Variants in IL24 observed in about 807,000 individuals in gnomAD.
IL24 encodes the protein interleukin-24.
A neutral mutation model predicts 27.6 loss-of-function variants in IL24; 24 were observed. That is an observed-to-expected ratio of 0.87 (90% CI 0.63 to 1.22). The LOEUF (loss-of-function observed/expected upper bound fraction) is 1.22. Ranked by LOEUF, IL24 falls within the 50% of genes most tolerant of loss-of-function variation. The pLI is 0.00. For missense variants in IL24, 240 were observed against 237.0 expected, an observed-to-expected ratio of 1.01 and a Z score of -0.08; for synonymous variants, 99 against 93.1, an observed-to-expected ratio of 1.06 and a Z score of -0.36.
Position 206,901,591 on chromosome 1 carries a change from T to G in IL24, c.401T>G (p.Leu134Arg). ...YHNRTVEVRT[L>R]KSFSTLANNF... ...AATAGAACAGTTGAAGTCAGGACTCTGAAGTCATTCTCTACTCTGGCCAAC... is the reference window on the plus strand; with the variant it reads ...AATAGAACAGTTGAAGTCAGGACTCGGAAGTCATTCTCTACTCTGGCCAAC... The change falls in exon 5 of 7, where the codon CTG (leucine) becomes CGG (arginine). Residue 134 changes from leucine to arginine, a missense_variant. By Grantham distance (102) the Leu-to-Arg change is moderately radical. Coordinates refer to ENST00000294984, the MANE Select transcript of IL24 (RefSeq NM_006850.3). 6.2e-7 allele frequency: 1 copy of G among 1,614,228 alleles called. No individual in the cohort carries two copies. The highest frequency in any genetic ancestry group is 8.5e-7 in the Non-Finnish European group (1 of 1,180,020).
rs1469373269 is a variant in IL24, at chr1:206,903,595, G to T, written c.*536G>T. 1.3e-5 allele frequency: 2 copies of T among 153,436 alleles called. No individual in the cohort carries two copies. Among genetic ancestry groups the T allele is most frequent in the African/African-American group, 4.8e-5 (2 of 41,442 alleles). The allele number at this position is 153,436 out of a possible 1,614,324, so 9.5% of individuals were successfully genotyped here. ...GACAGAGCATTGGGGTGGGGGTAAG[G>T]TGCATCTGTTTGAAAAGTAAACGAT... On this transcript the variant is annotated 3_prime_UTR_variant, in exon 7 of 7. Coordinates refer to ENST00000294984, the MANE Select transcript of IL24 (RefSeq NM_006850.3).
chr1:206,897,925 G>A, intron 2 of IL24, 49 bp downstream of exon 2: 1 of 1,281,786 alleles, frequency 7.8e-7, no homozygotes, highest in African/African-American at 1.5e-5. Context: ...GGCTGAGGTG[G>A]GCAGATCATT....
rs370058735 is a variant in IL24 at position 206,899,416 on chromosome 1, A to C, written c.141A>C (p.Ser47=). Residue 47 remains serine, a synonymous_variant, in exon 3 of 7, where the codon TCA becomes TCC. Coordinates refer to ENST00000294984, the MANE Select transcript of IL24 (RefSeq NM_006850.3). ...GFTLLLWSQV[S]GAQGQEFHFG... is the part of the protein sequence containing the mutation. Reference sequence around the variant, plus strand: ...CCCTGCTTCTCTGGAGCCAGGTATCAGGGGCCCAGGGCCAAGAATTCCACT... The same window carrying C: ...CCCTGCTTCTCTGGAGCCAGGTATCCGGGGCCCAGGGCCAAGAATTCCACT... 1.9e-5 allele frequency: 31 copies of C among 1,614,086 alleles called. No homozygotes were observed. The African/African-American group carries it at 3.3e-4, about 17-fold the overall frequency.
intron 5 of IL24, 49 bp from the exon 6 acceptor site, chr1:206,901,949 T>C (rs766443483): frequency 6.3e-7 from 1 of 1,580,618 alleles, no homozygotes; most frequent in Non-Finnish European, 8.7e-7. Context: ...GGAGTTTGCA[T>C]CTGCTCCTAT....
Position 206,897,616 on chromosome 1 carries a change from G to A in IL24, c.-103+1G>A. 4.7e-6 allele frequency: 2 copies of A among 428,652 alleles called. No individual in the cohort carries two copies. Among genetic ancestry groups the A allele is most frequent in the South Asian group, 6.8e-5 (2 of 29,340 alleles). The allele number at this position is 428,652 out of a possible 1,614,324, so 26.6% of individuals were successfully genotyped here. ...TCAAGCATCACTTACAGGACCAGAGGTGAGCATGGGGGATTCTTGGTTACT... is the reference window on the plus strand; with the variant it reads ...TCAAGCATCACTTACAGGACCAGAGATGAGCATGGGGGATTCTTGGTTACT... On this transcript the variant is annotated splice_donor_variant, in intron 1 of 6. Transcript: ENST00000294984. LOFTEE classifies it low-confidence loss of function (5UTR_SPLICE).
Position 206,903,928 on chromosome 1 carries a change from G to A in IL24, c.*869G>A, listed in dbSNP as rs1678505223. 6.6e-6 allele frequency: 1 copy of A among 152,364 alleles called. No individual in the cohort carries two copies. Among genetic ancestry groups the A allele is most frequent in the Admixed American group, 6.5e-5 (1 of 15,286 alleles). The allele number at this position is 152,364 out of a possible 1,614,324, so 9.4% of individuals were successfully genotyped here. A position where few individuals can be genotyped will look rare whatever the true frequency, so the allele number is the denominator to read the frequency against. Reference sequence around the variant, plus strand: ...CCAGTGAGACTGTGTTGTACAGCTAGAAAAGGCCTTCTTCCCAATAGCAAG... The same window carrying A: ...CCAGTGAGACTGTGTTGTACAGCTAAAAAAGGCCTTCTTCCCAATAGCAAG... On this transcript the variant is annotated 3_prime_UTR_variant, in exon 7 of 7. Coordinates refer to ENST00000294984, the MANE Select transcript of IL24 (RefSeq NM_006850.3).
rs550603815 is a variant in IL24 at position 206,903,276 on chromosome 1, A to T, written c.*217A>T. The stretch of plus-strand genomic sequence containing the variant: ...ATGCTGTGAAGAGTCTACAGAGAAG[A>T]TTCTTGTATTTATTACAACTCTATT... On this transcript the variant is annotated 3_prime_UTR_variant, in exon 7 of 7. Coordinates refer to ENST00000294984, the MANE Select transcript of IL24 (RefSeq NM_006850.3). The T allele has an allele frequency of 2.0e-6, 1 of 502,360 alleles. No individual in the cohort carries two copies. Among genetic ancestry groups the T allele is most frequent in the East Asian group, 3.2e-5 (1 of 31,278 alleles). 31.1% of individuals were successfully genotyped at this position (502,360 alleles called of 1,614,324 possible).
chr1:206,899,119 C>T (rs769943482), intron 2 of IL24, among the ~76,000 whole-genome samples: 7 of 152,162 alleles, frequency 4.6e-5, no homozygotes, highest in Non-Finnish European at 1.0e-4. Context: ...GCAAGACGAG[C>T]GGCCTTAAGT....
intron 4 of IL24, among the ~76,000 whole-genome samples, chr1:206,901,271 G>A (rs769848011): frequency 6.6e-6 from 1 of 152,098 alleles, no homozygotes; most frequent in Non-Finnish European, 1.5e-5. Flanking sequence ...TATGTGAATC[G>A]GGCCAGGTCA....
chr1:206,898,042 CA>C (rs1258565169), intron 2 of IL24, among the ~76,000 whole-genome samples, 166 bp downstream of exon 2: 1 of 151,554 alleles, frequency 6.6e-6, no homozygotes, highest in Non-Finnish European at 1.5e-5. Flanking sequence ...TTTTCAGATA[CA>C]AAAATCCCAG....
At chr1:206,898,001 A>T in intron 2 of IL24, 125 bp downstream of exon 2, 1 of 544,226 alleles carries the variant, frequency 1.8e-6, no homozygotes, top group South Asian at 2.3e-5. Flanking sequence ...AAAAATACAA[A>T]AAAAAATTAG....
chr1:206,899,158 C>A (rs1160635507), intron 2 of IL24, among the ~76,000 whole-genome samples, 162 bp from the exon 3 acceptor site: 1 of 152,222 alleles, frequency 6.6e-6, no homozygotes, highest in Non-Finnish European at 1.5e-5. Context: ...CCTGCTTCAC[C>A]CCCACTGCAC....
At chr1:206,900,633 T>C (rs928013556) in intron 4 of IL24, among the ~76,000 whole-genome samples, 2 of 152,186 alleles carry the variant, frequency 1.3e-5, no homozygotes, top group Non-Finnish European at 2.9e-5. Context: ...TTTACTTGTG[T>C]AGGCCCAATA....
chr1:206,902,778 T>C (rs1678445866), intron 6 of IL24, 198 bp from the exon 7 acceptor site: 4 of 985,436 alleles, frequency 4.1e-6, no homozygotes, highest in Non-Finnish European at 4.8e-6. Context: ...TTCACTAGCC[T>C]GTTTGTCCTC....
intron 3 of IL24, 86 bp from the exon 4 acceptor site, chr1:206,900,209 G>A: frequency 8.4e-7 from 1 of 1,185,516 alleles, no homozygotes; most frequent in Non-Finnish European, 1.3e-6. Flanking sequence ...ATAGATTTAG[G>A]GGTCTAGGGA....
In IL24 at chr1:206,902,938, G is replaced by C. The variant is rs769795281; in HGVS notation, c.538-38G>C. 1.9e-6 allele frequency: 3 copies of C among 1,614,056 alleles called. No homozygotes were observed. In the Admixed American group the frequency reaches 5.0e-5, roughly 27 times the overall value. The stretch of plus-strand genomic sequence containing the variant: ...GGTTGGAAGAAAGACTATTCTCATA[G>C]CTAACATGGCTGACCTTCAACCCTC... On this transcript the variant is annotated intron_variant, in intron 6 of 6. Transcript: ENST00000294984.
rs779157307 is a variant in IL24, at chr1:206,899,503, G to T, written c.228G>T (p.Val76=). Residue 76 remains valine, a synonymous_variant, in exon 3 of 7, where the codon GTG becomes GTT. Coordinates refer to ENST00000294984, the MANE Select transcript of IL24 (RefSeq NM_006850.3). ...PQKLWEAFWA[V]KDTMQAQDNI... ...AACTGTGGGAAGCCTTCTGGGCTGT[G>T]AAAGACACTATGGTGAGTAAAGTGC... The T allele has an allele frequency of 1.9e-6, 3 of 1,604,396 alleles. No individual in the cohort carries two copies. Among genetic ancestry groups the T allele is most frequent in the African/African-American group, 1.3e-5 (1 of 74,812 alleles).
At chr1:206,897,705 G>C (rs1678212439) in intron 1 of IL24, 26 bp from the exon 2 acceptor site, 1 of 891,926 alleles carries the variant, frequency 1.1e-6, no homozygotes, top group African/African-American at 1.7e-5. Flanking sequence ...GACAGCAGAA[G>C]TCAATTTTTT....
intron 4 of IL24, 45 bp from the exon 5 acceptor site, chr1:206,901,449 G>A: frequency 6.4e-7 from 1 of 1,574,134 alleles, no homozygotes; most frequent in Non-Finnish European, 8.6e-7. Context: ...AGGGGGTCAG[G>A]GTGGGCAGAG....
Sources: gnomAD v4.1 joint callset for allele counts (sites outside exome capture counted in the v4.1 genomes callset) on GRCh38, gnomAD v4.1.1 for gene constraint, MANE v1.5 for transcripts, NCBI Gene and HGNC (gene_info 2026-07-23, HGNC 2026-07-21) for gene names.